STX3: variants seen among roughly 807,000 people sequenced by gnomAD.
STX3 encodes syntaxin-3.
Under a neutral mutation model 40.2 loss-of-function variants are expected in STX3, and 19 were observed. The observed-to-expected ratio is 0.47, with a 90% CI of 0.33 to 0.69. STX3 has a LOEUF of 0.69. STX3 is among the 30% of genes least tolerant of loss of function. The pLI, the probability that STX3 is intolerant of heterozygous loss-of-function variation, is 0.02. For missense variants in STX3, 364 were observed against 366.7 expected, an observed-to-expected ratio of 0.99 and a Z score of 0.06; for synonymous variants, 122 against 132.2, an observed-to-expected ratio of 0.92 and a Z score of 0.53.
chr11:59,755,690 G>A lies in STX3; in HGVS notation c.30+55G>A, dbSNP rs1392297003. ...AGGAGGGGTGCTGCATGGGAGAGGG[G>A]CTTCCCTTTGCTCCCCAAGTCGAGG... On this transcript the variant is annotated intron_variant, in intron 1 of 10. Coordinates refer to ENST00000337979, the MANE Select transcript of STX3 (RefSeq NM_004177.5). 2.6e-6 allele frequency: 4 copies of A among 1,522,116 alleles called. No homozygotes were observed. The East Asian group carries it at 7.7e-5, about 29-fold the overall frequency. 94.3% of individuals were successfully genotyped at this position (1,522,116 alleles called of 1,614,324 possible).
chr11:59,773,379 A>C, intron 2 of STX3, 85 bp downstream of exon 2: 1 of 1,398,182 alleles, frequency 7.2e-7, no homozygotes, highest in South Asian at 1.2e-5. Flanking sequence ...TAGATTTTTC[A>C]GGGTAGCAGA....
chr11:59,788,102 C>A (rs921791574), intron 3 of STX3, among the ~76,000 whole-genome samples: 9 of 152,166 alleles, frequency 5.9e-5, no homozygotes, highest in African/African-American at 2.2e-4. Flanking sequence ...TGTTTCTTCT[C>A]GTGGAATTCC....
At chr11:59,756,516 C>T (rs1862725789) in intron 1 of STX3, among the ~76,000 whole-genome samples, 1 of 152,192 alleles carries the variant, frequency 6.6e-6, no homozygotes. Flanking sequence ...TAAAATCTAG[C>T]CCTTGACACT....
At chr11:59,778,477 T>C (rs1864130427) in intron 2 of STX3, among the ~76,000 whole-genome samples, 1 of 152,062 alleles carries the variant, frequency 6.6e-6, no homozygotes, top group South Asian at 2.1e-4. Context: ...ATCAAACACA[T>C]CATGATTCAT....
chr11:59,795,868 C>T (rs1199492359), intron 9 of STX3, among the ~76,000 whole-genome samples: 1 of 152,172 alleles, frequency 6.6e-6, no homozygotes, highest in Non-Finnish European at 1.5e-5. Context: ...AAGCTGCCTG[C>T]CCTTCCTTCC....
Position 59,802,975 on chromosome 11 carries a change from C to T in STX3, c.*2151C>T, listed in dbSNP as rs1446910943. 1.7e-5 allele frequency: 17 copies of T among 985,188 alleles called. 1 individual carries two copies. The South Asian group carries it at 4.7e-4, about 27-fold the overall frequency. The allele number at this position is 985,188 out of a possible 1,614,324, so 61.0% of individuals were successfully genotyped here. A position where few individuals can be genotyped will look rare whatever the true frequency, so the allele number is the denominator to read the frequency against. On this transcript the variant is annotated 3_prime_UTR_variant, in exon 11 of 11. Transcript: ENST00000337979. ...AGGAGGAAATGGGGGAGATCTGTCA[C>T]GATGTTATCTAGAAGGTGGAATGAC...
chr11:59,798,472 G>A (rs978742412), intron 10 of STX3, among the ~76,000 whole-genome samples: 7 of 152,310 alleles, frequency 4.6e-5, no homozygotes, highest in African/African-American at 1.7e-4. Flanking sequence ...TGGGATTACA[G>A]GCGTGAGCCA....
rs769015205 is a variant in STX3 at position 59,795,372 on chromosome 11, G to A, written c.676G>A (p.Gly226Ser). 4 of 1,611,808 alleles carry A rather than the reference G, an allele frequency of 2.5e-6. No individual in the cohort carries two copies. Among genetic ancestry groups the A allele is most frequent in the Middle Eastern group, 1.7e-4 (1 of 6,060 alleles). The change falls in exon 9 of 11, where the codon GGT becomes AGT. Residue 226 changes from glycine (G) to serine (S), a missense_variant and splice_region_variant. Physicochemically the swap from Gly to Ser is moderately conservative, Grantham distance 56. Coordinates refer to ENST00000337979, the MANE Select transcript of STX3 (RefSeq NM_004177.5). ...TGTGATCAGAGTCTGTTCTTTGCAG[G>A]GTGAGATGTTAGATAACATAGAGTT... ...MDIAMLVENQ[G>S]EMLDNIELNV...
intron 4 of STX3, among the ~76,000 whole-genome samples, chr11:59,789,830 A>C (rs981432399): frequency 4.6e-5 from 7 of 152,162 alleles, no homozygotes; most frequent in African/African-American, 1.7e-4. Context: ...TGGGCTAGGC[A>C]TACCACCTTC....
At chr11:59,785,987 G>A (rs1864740846) in intron 2 of STX3, among the ~76,000 whole-genome samples, 1 of 152,170 alleles carries the variant, frequency 6.6e-6, no homozygotes, top group Non-Finnish European at 1.5e-5. Context: ...ACACAGGAAT[G>A]TCTGACAGTG....
Position 59,793,460 on chromosome 11 carries a change from C to T in STX3, c.621C>T (p.Ser207=), listed in dbSNP as rs768338358. 5 of 1,614,158 alleles carry T rather than the reference C, an allele frequency of 3.1e-6. No individual in the cohort carries two copies. In the East Asian group the frequency reaches 8.9e-5, roughly 29 times the overall value. ...RHKDIVRLES[S]IKELHDMFMD... ...AGGACATTGTGAGGCTGGAGAGCAG[C>T]ATCAAGGAGCTTCACGACATGTTTA... The change falls in exon 8 of 11, where the codon AGC becomes AGT. Residue 207 remains serine, a synonymous_variant. Transcript: ENST00000337979.
chr11:59,796,015 GATGTTACAC>G (rs1865498902), intron 9 of STX3, among the ~76,000 whole-genome samples: 1 of 152,188 alleles, frequency 6.6e-6, no homozygotes, highest in Admixed American at 6.5e-5. Flanking sequence ...GAGGCTTTCA[GATGTTACAC>G]TTGACTCCTC....
intron 6 of STX3, among the ~76,000 whole-genome samples, chr11:59,792,785 G>A (rs749956121): frequency 2.6e-5 from 4 of 152,100 alleles, no homozygotes; most frequent in Non-Finnish European, 4.4e-5. Flanking sequence ...AGGTTAGGAT[G>A]GATTGAGGGA....
rs573860971 is a variant in STX3 at position 59,780,221 on chromosome 11, A to G, written c.115-6816A>G. ...TTCATATGCTGGAGTCTAATCGCCA[A>G]TGTGATGGTATTTGGAGGTAGGGCT... On this transcript the variant is annotated intron_variant, in intron 2 of 10. Coordinates refer to ENST00000337979, the MANE Select transcript of STX3 (RefSeq NM_004177.5). 1.2e-4 allele frequency among the ~76,000 whole-genome samples: 19 copies of G among 152,294 alleles called. No individual in the cohort carries two copies. In the South Asian group the frequency reaches 3.3e-3, roughly 27 times the overall value.
chr11:59,783,864 G>T (rs1310727957), intron 2 of STX3, among the ~76,000 whole-genome samples: 1 of 152,320 alleles, frequency 6.6e-6, no homozygotes. Flanking sequence ...TTGGTGAACT[G>T]ACTAAATTGC....
At position 59,795,100 on chromosome 11, in the gene STX3, G is replaced by C. The variant is rs148577640; in HGVS notation, c.676-272G>C. 2.6e-5 allele frequency among the ~76,000 whole-genome samples: 4 copies of C among 152,318 alleles called. No individual in the cohort carries two copies. The East Asian group carries it at 7.7e-4, about 29-fold the overall frequency. On this transcript the variant is annotated intron_variant, in intron 8 of 10. Transcript: ENST00000337979. Reference sequence around the variant, plus strand: ...GGGGATATCTCAGAGTATATTTATAGGTAGTTACTAGGTATCTAGATAGTA... The same window carrying C: ...GGGGATATCTCAGAGTATATTTATACGTAGTTACTAGGTATCTAGATAGTA...
At chr11:59,759,193 C>T (rs1272265910) in intron 1 of STX3, among the ~76,000 whole-genome samples, 1 of 152,160 alleles carries the variant, frequency 6.6e-6, no homozygotes, top group Non-Finnish European at 1.5e-5. Flanking sequence ...CCTCTCAACC[C>T]TGCAAAGCAG....
At chr11:59,777,307 A>G (rs1295330619) in intron 2 of STX3, among the ~76,000 whole-genome samples, 2 of 152,204 alleles carry the variant, frequency 1.3e-5, no homozygotes, top group South Asian at 2.1e-4. Flanking sequence ...AGGGACTGGA[A>G]TGGCTCAGAC....
At chr11:59,799,813 T>A in intron 10 of STX3, 1 of 985,404 alleles carries the variant, frequency 1.0e-6, no homozygotes, top group Non-Finnish European at 1.2e-6. Context: ...GGTGGTTGGT[T>A]GATTTTTTTT....
Sources: gnomAD v4.1 joint callset for allele counts (sites outside exome capture counted in the v4.1 genomes callset) on GRCh38, gnomAD v4.1.1 for gene constraint, MANE v1.5 for transcripts, NCBI Gene and HGNC (gene_info 2026-07-23, HGNC 2026-07-21) for gene names.